The following TMTC2 variants were observed in gnomAD, a reference collection of about 807,000 sequenced individuals.
The protein encoded by TMTC2 is transmembrane O-mannosyltransferase targeting cadherins 2.
TMTC2 carries 43 observed loss-of-function variants against 82.4 expected under a neutral mutation model. That is an observed-to-expected ratio of 0.52 (90% confidence interval 0.41 to 0.67). TMTC2 has a LOEUF of 0.67. Ranked by LOEUF, TMTC2 falls within the 30% of genes least tolerant of loss-of-function variation. The pLI is 0.00. For missense variants in TMTC2, 919 were observed against 1,012.4 expected (o/e 0.91, Z 1.25); for synonymous variants, 408 against 381.9 (o/e 1.07, Z -0.80).
intron 11 of TMTC2, among the ~76,000 whole-genome samples, chr12:83,112,227 G>C (rs1884622328): frequency 6.6e-6 from 1 of 151,876 alleles, no homozygotes; most frequent in Admixed American, 6.6e-5. Flanking sequence ...ATAGTAAGAG[G>C]TACCTCAATG....
intron 1 of TMTC2, among the ~76,000 whole-genome samples, chr12:82,699,359 TG>T (rs1194846761): frequency 6.6e-6 from 1 of 152,252 alleles, no homozygotes; most frequent in Non-Finnish European, 1.5e-5. Context: ...ATAGGCATTC[TG>T]GCCAACCTGA....
intron 3 of TMTC2, among the ~76,000 whole-genome samples, chr12:82,925,570 G>A (rs568251683): frequency 3.9e-5 from 6 of 152,144 alleles, no homozygotes; most frequent in African/African-American, 9.6e-5. Context: ...GGTCAGTGCC[G>A]TTTTTCCAAC....
intron 11 of TMTC2, among the ~76,000 whole-genome samples, chr12:83,074,976 C>T (rs1174486616): frequency 6.6e-6 from 1 of 152,172 alleles, no homozygotes; most frequent in African/African-American, 2.4e-5. Flanking sequence ...CTCCTCTGGC[C>T]ACCCTCCTGA....
At chr12:82,709,740 T>C (rs1873537049) in intron 1 of TMTC2, among the ~76,000 whole-genome samples, 1 of 152,226 alleles carries the variant, frequency 6.6e-6, no homozygotes, top group South Asian at 2.1e-4. Flanking sequence ...ATGTATGTTA[T>C]AATACTTATT....
chr12:82,769,375 C>G (rs1231262487), intron 1 of TMTC2, among the ~76,000 whole-genome samples: 1 of 152,036 alleles, frequency 6.6e-6, no homozygotes, highest in South Asian at 2.1e-4. Flanking sequence ...ACTCAGGAGG[C>G]TGAGGCAGGA....
chr12:83,011,950 G>A (rs1464964350), intron 8 of TMTC2, among the ~76,000 whole-genome samples: 1 of 152,130 alleles, frequency 6.6e-6, no homozygotes. Flanking sequence ...CTTGTTGAAT[G>A]AATGCAGGTG....
At chr12:83,074,310 C>T (rs535305673) in intron 11 of TMTC2, among the ~76,000 whole-genome samples, 3 of 152,232 alleles carry the variant, frequency 2.0e-5, no homozygotes, top group South Asian at 2.1e-4. Flanking sequence ...GTCTGCACAG[C>T]GTCATATGAT....
chr12:82,978,784 T>G (rs1878793390), intron 7 of TMTC2, among the ~76,000 whole-genome samples: 1 of 151,786 alleles, frequency 6.6e-6, no homozygotes, highest in African/African-American at 2.4e-5. Flanking sequence ...GAAAATTAGG[T>G]TTGAAGCCTT....
At chr12:83,130,300 T>C (rs535746840) in intron 11 of TMTC2, among the ~76,000 whole-genome samples, 5 of 152,344 alleles carry the variant, frequency 3.3e-5, no homozygotes, top group African/African-American at 1.2e-4. Context: ...CTCAGGATAA[T>C]AACAGTGGTG....
intron 8 of TMTC2, among the ~76,000 whole-genome samples, chr12:83,026,215 A>G (rs1881169116): frequency 6.6e-6 from 1 of 152,154 alleles, no homozygotes; most frequent in Non-Finnish European, 1.5e-5. Flanking sequence ...ATTTCAAAGA[A>G]TTAGAAGCTA....
intron 11 of TMTC2, among the ~76,000 whole-genome samples, chr12:83,067,522 T>C (rs1882964059): frequency 6.6e-6 from 1 of 151,830 alleles, no homozygotes; most frequent in South Asian, 2.1e-4. Flanking sequence ...AAGGAGACTG[T>C]GAAGATACAG....
At chr12:82,892,413 A>G (rs1057464711) in intron 2 of TMTC2, among the ~76,000 whole-genome samples, 2 of 152,200 alleles carry the variant, frequency 1.3e-5, no homozygotes, top group African/African-American at 4.8e-5. Context: ...AAATGCAATA[A>G]TATGACCACA....
intron 2 of TMTC2, among the ~76,000 whole-genome samples, chr12:82,871,364 ATT>A (rs113920774): frequency 2.1e-5 from 3 of 145,324 alleles, no homozygotes; most frequent in South Asian, 4.4e-4. Flanking sequence ...AGAAACAATG[ATT>A]TTTTTTTTTT....
intron 4 of TMTC2, among the ~76,000 whole-genome samples, chr12:82,941,002 A>G (rs775621458): frequency 6.6e-6 from 1 of 152,204 alleles, no homozygotes; most frequent in Middle Eastern, 3.4e-3. Context: ...CATGTCCTAT[A>G]CCATATAAAG....
intron 9 of TMTC2, among the ~76,000 whole-genome samples, chr12:83,045,727 G>GCACACACACACACACGCA (rs1882086591): frequency 7.0e-6 from 1 of 142,452 alleles, no homozygotes; most frequent in Non-Finnish European, 1.5e-5. Context: ...ACACACACAC[G>GCACACACACACACACGCA]CACACACACA....
intron 1 of TMTC2, among the ~76,000 whole-genome samples, chr12:82,771,413 C>T (rs1489104691): frequency 6.6e-6 from 1 of 151,930 alleles, no homozygotes; most frequent in Non-Finnish European, 1.5e-5. Flanking sequence ...TTCTGACTTC[C>T]CTTGAAAACT....
chr12:82,772,737 G>A (rs1239723512), intron 1 of TMTC2, among the ~76,000 whole-genome samples: 1 of 151,756 alleles, frequency 6.6e-6, no homozygotes, highest in African/African-American at 2.4e-5. Flanking sequence ...TTTTTCCCCT[G>A]GAACCAAAAG....
chr12:83,071,707 T>C (rs1248988107), intron 11 of TMTC2, among the ~76,000 whole-genome samples: 1 of 152,166 alleles, frequency 6.6e-6, no homozygotes, highest in East Asian at 1.9e-4. Context: ...GTTTAGGGTA[T>C]CTAATTCTTC....
intron 11 of TMTC2, among the ~76,000 whole-genome samples, chr12:83,122,064 C>A (rs183858533): frequency 6.6e-6 from 1 of 151,978 alleles, no homozygotes; most frequent in African/African-American, 2.4e-5. Context: ...AGAACTTACC[C>A]CATGCTACCC....
Sources: gnomAD v4.1 joint callset for allele counts (sites outside exome capture counted in the v4.1 genomes callset) on GRCh38, gnomAD v4.1.1 for gene constraint, MANE v1.5 for transcripts, NCBI Gene and HGNC (gene_info 2026-07-23, HGNC 2026-07-21) for gene names.